Variants in PDE4B observed in about 807,000 individuals in gnomAD.
PDE4B encodes phosphodiesterase 4B.
A neutral mutation model predicts 82.2 loss-of-function variants in PDE4B; 20 were observed. That is an observed-to-expected ratio of 0.24 (90% CI 0.17 to 0.35). The LOEUF is 0.35. Ranked by LOEUF, PDE4B falls within the 10% of genes least tolerant of loss-of-function variation. PDE4B has a pLI of 1.00. For missense variants in PDE4B, 655 were observed against 907.2 expected, an observed-to-expected ratio of 0.72 and a Z score of 3.57; for synonymous variants, 320 against 318.9, an observed-to-expected ratio of 1.00 and a Z score of -0.04.
intron 3 of PDE4B, among the ~76,000 whole-genome samples, chr1:66,235,195 C>G (rs1167430576): frequency 1.3e-5 from 2 of 152,128 alleles, no homozygotes; most frequent in Non-Finnish European, 2.9e-5. Flanking sequence ...GGTGACGTTT[C>G]ACGTGCACTT....
chr1:66,167,095 T>C (rs1333059674), intron 3 of PDE4B, among the ~76,000 whole-genome samples: 1 of 152,218 alleles, frequency 6.6e-6, no homozygotes, highest in East Asian at 1.9e-4. Context: ...TCTCATACAT[T>C]TCTGGTGGGA....
At chr1:65,819,755 T>C (rs1485008888) in intron 1 of PDE4B, among the ~76,000 whole-genome samples, 1 of 152,136 alleles carries the variant, frequency 6.6e-6, no homozygotes, top group Non-Finnish European at 1.5e-5. Flanking sequence ...TGCCTCGGCC[T>C]CCCAAAGTGC....
chr1:65,890,749 C>T (rs116143944), intron 1 of PDE4B, among the ~76,000 whole-genome samples: 1,570 of 152,052 alleles, frequency 0.01, 19 homozygotes, highest in Non-Finnish European at 0.015. Flanking sequence ...CTAGAGGAGA[C>T]ATAATATAGA....
intron 3 of PDE4B, among the ~76,000 whole-genome samples, chr1:65,958,122 A>G (rs914653399): frequency 6.6e-6 from 1 of 152,080 alleles, no homozygotes; most frequent in Non-Finnish European, 1.5e-5. Flanking sequence ...TAGGCTTTTT[A>G]TAGATGCATT....
At chr1:65,947,722 C>T (rs936823094) in intron 3 of PDE4B, among the ~76,000 whole-genome samples, 9 of 151,832 alleles carry the variant, frequency 5.9e-5, no homozygotes, top group African/African-American at 2.2e-4. Flanking sequence ...TATGCTGCCA[C>T]AAGTGATGGA....
chr1:66,251,695 A>T (rs539969592), intron 4 of PDE4B, among the ~76,000 whole-genome samples: 1 of 152,180 alleles, frequency 6.6e-6, no homozygotes, highest in Non-Finnish European at 1.5e-5. Context: ...TCAGGCAGGC[A>T]GAGGAAGTGC....
intron 3 of PDE4B, among the ~76,000 whole-genome samples, chr1:66,200,033 G>A (rs1648740257): frequency 6.6e-6 from 1 of 152,092 alleles, no homozygotes; most frequent in Admixed American, 6.5e-5. Flanking sequence ...TAAGGTGTAA[G>A]GAAAGGATCC....
intron 8 of PDE4B, among the ~76,000 whole-genome samples, chr1:66,333,830 C>A (rs1468341645): frequency 1.3e-5 from 2 of 151,104 alleles, no homozygotes; most frequent in Non-Finnish European, 3.0e-5. Context: ...AATGAAAGGG[C>A]AAAAATAAGT....
intron 1 of PDE4B, among the ~76,000 whole-genome samples, chr1:65,902,942 G>C (rs11589566): frequency 0.16 from 24,668 of 152,100 alleles, 2,312 homozygotes; most frequent in Middle Eastern, 0.3. Flanking sequence ...TGGACCAAAA[G>C]CCAAGTTATG....
At chr1:65,924,426 T>G (rs1285215884) in intron 3 of PDE4B, among the ~76,000 whole-genome samples, 1 of 152,150 alleles carries the variant, frequency 6.6e-6, no homozygotes, top group African/African-American at 2.4e-5. Context: ...TATTATATTT[T>G]TTTAATTTTG....
chr1:66,180,815 T>C (rs1366299201), intron 3 of PDE4B, among the ~76,000 whole-genome samples: 1 of 152,172 alleles, frequency 6.6e-6, no homozygotes, highest in African/African-American at 2.4e-5. Flanking sequence ...CTTGATTTAC[T>C]CTGTGGACTG....
intron 6 of PDE4B, among the ~76,000 whole-genome samples, chr1:66,261,961 G>A (rs1654712451): frequency 6.6e-6 from 1 of 152,190 alleles, no homozygotes; most frequent in Admixed American, 6.5e-5. Context: ...GCCAGGGGAT[G>A]GAGCTGGGAG....
At chr1:66,258,117 AG>A in intron 6 of PDE4B, among the ~76,000 whole-genome samples, 1 of 152,358 alleles carries the variant, frequency 6.6e-6, no homozygotes, top group Non-Finnish European at 1.5e-5. Flanking sequence ...CACAAATGAA[AG>A]AACAAAAGGA....
At chr1:66,372,291 G>A (rs1169270949) in intron 16 of PDE4B, 22 bp from the exon 17 acceptor site, 1 of 1,583,366 alleles carries the variant, frequency 6.3e-7, no homozygotes, top group South Asian at 1.1e-5. Flanking sequence ...AATAACAGAT[G>A]TGTCATCTTA....
At position 66,354,891 on chromosome 1, in the gene PDE4B, C is replaced by A. The variant is rs1250498272; in HGVS notation, c.748-636C>A. ...TGTTATCTGTATCTTGGGGTTACAT[C>A]AAGGTGGGTTAATTTGATTGTGTTC... On this transcript the variant is annotated intron_variant, in intron 8 of 16. Coordinates refer to ENST00000341517, the MANE Select transcript of PDE4B (RefSeq NM_002600.4). 3.3e-6 allele frequency: 5 copies of A among 1,535,346 alleles called. No homozygotes were observed. In the African/African-American group the frequency reaches 6.9e-5, roughly 21 times the overall value.
intron 3 of PDE4B, among the ~76,000 whole-genome samples, chr1:66,128,509 T>C (rs1363356628): frequency 6.6e-6 from 1 of 152,246 alleles, no homozygotes; most frequent in East Asian, 1.9e-4. Context: ...AGATGTTCAC[T>C]TGAGAAGAAA....
At chr1:66,315,092 C>G (rs1317487121) in intron 7 of PDE4B, among the ~76,000 whole-genome samples, 1 of 152,222 alleles carries the variant, frequency 6.6e-6, no homozygotes, top group Non-Finnish European at 1.5e-5. Context: ...ATACATCATT[C>G]TCTTCCCACT....
At chr1:66,335,993 A>T (rs1408486092) in intron 8 of PDE4B, among the ~76,000 whole-genome samples, 1 of 152,260 alleles carries the variant, frequency 6.6e-6, no homozygotes, top group Admixed American at 6.5e-5. Context: ...TGAAAACAGG[A>T]TGCTTTGGCT....
chr1:66,175,853 T>C (rs1344615082), intron 3 of PDE4B, among the ~76,000 whole-genome samples: 2 of 152,206 alleles, frequency 1.3e-5, no homozygotes, highest in Non-Finnish European at 2.9e-5. Context: ...AACTATGTAT[T>C]AGGAGGGTAC....
Sources: allele counts gnomAD v4.1 joint callset (sites outside exome capture counted in the v4.1 genomes callset), GRCh38; gene constraint gnomAD v4.1.1; transcripts MANE v1.5; gene names NCBI Gene and HGNC (gene_info 2026-07-23, HGNC 2026-07-21).